TENM3: variants seen among roughly 807,000 people sequenced by gnomAD.
TENM3 encodes teneurin-3.
Under a neutral mutation model 255.1 loss-of-function variants are expected in TENM3, and 63 were observed. That is an observed-to-expected ratio of 0.25 (90% confidence interval 0.20 to 0.30). The LOEUF is 0.30. TENM3 is among the 10% of genes least tolerant of loss of function. The pLI is 1.00. For missense variants in TENM3, 2,929 were observed against 3,461.1 expected (o/e 0.85, Z 3.86); for synonymous variants, 1,306 against 1,322.3 (o/e 0.99, Z 0.27).
chr4:182,595,946 G>A (rs987049094), intron 3 of TENM3, among the ~76,000 whole-genome samples: 3 of 150,810 alleles, frequency 2.0e-5, no homozygotes, highest in Non-Finnish European at 4.4e-5. Context: ...TATCTTTAAA[G>A]GTAGATTTTA....
At chr4:181,596,281 T>C in the TENM3 span, among the ~76,000 whole-genome samples, 1 of 152,240 alleles carries the variant, frequency 6.6e-6, no homozygotes, top group Non-Finnish European at 1.5e-5. Context: ...CCAAATCTGA[T>C]CTAGAAGTAG....
chr4:181,763,926 A>G, the TENM3 span, among the ~76,000 whole-genome samples: 6 of 152,330 alleles, frequency 3.9e-5, no homozygotes, highest in Admixed American at 3.9e-4. Context: ...CAGAACTGTT[A>G]TAGATCATTT....
At chr4:181,523,057 T>G in the TENM3 span, 218 of 583,454 alleles carry the variant, frequency 3.7e-4, 5 homozygotes, top group South Asian at 3.0e-3. Context: ...GGACTCAGAT[T>G]ACAAATGTAT....
At chr4:182,141,499 CAGAG>C (rs149946309), upstream of TENM3, 1 of 151,990 alleles carries the variant, frequency 6.6e-6, no homozygotes, top group African/African-American at 2.4e-5. Flanking sequence ...GTGTGAGAGA[CAGAG>C]AGAGACCCAA....
chr4:182,212,024 C>T (rs1167485800), intron 1 of TENM3, among the ~76,000 whole-genome samples: 1 of 152,034 alleles, frequency 6.6e-6, no homozygotes, highest in African/African-American at 2.4e-5. Context: ...ATCTATTAAA[C>T]CAAGTAAAAT....
chr4:182,383,080 A>G lies in TENM3; in HGVS notation c.511+36151A>G, dbSNP rs565249743. Among the ~76,000 whole-genome samples, 3 of 152,354 alleles carry G rather than the reference A, an allele frequency of 2.0e-5. No individual in the cohort carries two copies. In the South Asian group the frequency reaches 6.2e-4, roughly 32 times the overall value. On this transcript the variant is annotated intron_variant, in intron 3 of 27. Coordinates refer to ENST00000511685, the MANE Select transcript of TENM3 (RefSeq NM_001080477.4). ...GCAATAGGGGAGAGACATCAGGCTC[A>G]ACCTCAATTATGGAACGAGTGGGGA... is the stretch of plus-strand genomic sequence containing the variant.
chr4:182,106,999 C>T, the TENM3 span, among the ~76,000 whole-genome samples: 1 of 152,240 alleles, frequency 6.6e-6, no homozygotes, highest in South Asian at 2.1e-4. Context: ...CTGCTTACCT[C>T]CCGTCAAATG....
chr4:181,614,888 AG>A, the TENM3 span, among the ~76,000 whole-genome samples: 19 of 152,292 alleles, frequency 1.2e-4, no homozygotes, highest in African/African-American at 4.6e-4. Context: ...AAGTATAGGG[AG>A]AAGACTGGTT....
intron 19 of TENM3, among the ~76,000 whole-genome samples, chr4:182,746,276 T>C (rs1323386658): frequency 2.0e-5 from 3 of 152,132 alleles, no homozygotes; most frequent in Admixed American, 1.3e-4. Context: ...TACTGGGAGA[T>C]GGCACTACGG....
At chr4:182,014,004 ACG>A in the TENM3 span, among the ~76,000 whole-genome samples, 270 of 76,004 alleles carry the variant, frequency 3.6e-3, 6 homozygotes, top group Middle Eastern at 0.014. Context: ...ACACATATAT[ACG>A]TATATATACG....
In TENM3 at chr4:182,459,129, T is replaced by C. The variant is rs572313393; in HGVS notation, c.511+112200T>C. On this transcript the variant is annotated intron_variant, in intron 3 of 27. Transcript: ENST00000511685. Reference sequence around the variant, plus strand: ...TAACTAGTTTGATTGCTTGCCTTCCTTCACAGGCTTGACTAACCAGCATTT... The same window carrying C: ...TAACTAGTTTGATTGCTTGCCTTCCCTCACAGGCTTGACTAACCAGCATTT... 5.3e-5 allele frequency among the ~76,000 whole-genome samples: 8 copies of C among 152,344 alleles called. 1 individual carries two copies. In the South Asian group the frequency reaches 1.7e-3, roughly 32 times the overall value.
chr4:181,685,204 C>T, the TENM3 span, among the ~76,000 whole-genome samples: 1,355 of 152,200 alleles, frequency 8.9e-3, 19 homozygotes, highest in African/African-American at 0.031. Flanking sequence ...TCCTTCACCT[C>T]TGGTGGAGAT....
the TENM3 span, among the ~76,000 whole-genome samples, chr4:182,069,787 A>G: frequency 1.3e-5 from 2 of 152,052 alleles, no homozygotes; most frequent in Admixed American, 6.5e-5. Context: ...AGAAATCTTG[A>G]CAGGGCTTCT....
Position 182,364,855 on chromosome 4 carries a change from A to G in TENM3, c.511+17926A>G, listed in dbSNP as rs1027060435. On this transcript the variant is annotated intron_variant, in intron 3 of 27. Coordinates refer to ENST00000511685, the MANE Select transcript of TENM3 (RefSeq NM_001080477.4). ...CATCCAGGTTTGAACTTTCGCTACTATAAGTGATTCTGCAATAATGATCTC... is the reference window on the plus strand; with the variant it reads ...CATCCAGGTTTGAACTTTCGCTACTGTAAGTGATTCTGCAATAATGATCTC... Among the ~76,000 whole-genome samples, 4 of 152,226 alleles carry G rather than the reference A, an allele frequency of 2.6e-5. No individual in the cohort carries two copies. In the East Asian group the frequency reaches 5.8e-4, roughly 22 times the overall value.
At chr4:182,300,060 T>A (rs1761759798) in intron 1 of TENM3, among the ~76,000 whole-genome samples, 1 of 151,842 alleles carries the variant, frequency 6.6e-6, no homozygotes, top group African/African-American at 2.4e-5. Context: ...GGATTACAGG[T>A]GTTCACAGCC....
the TENM3 span, among the ~76,000 whole-genome samples, chr4:181,718,712 C>A: frequency 6.6e-6 from 1 of 151,890 alleles, no homozygotes; most frequent in Non-Finnish European, 1.5e-5. Context: ...CATTTTTTTT[C>A]TTTGTTTCAC....
the TENM3 span, among the ~76,000 whole-genome samples, chr4:181,687,877 C>T: frequency 6.6e-6 from 1 of 152,282 alleles, no homozygotes; most frequent in South Asian, 2.1e-4. Flanking sequence ...TAAAGTAACA[C>T]ATTTGTGGCA....
intron 1 of TENM3, among the ~76,000 whole-genome samples, chr4:182,284,103 TGA>T (rs1760574492): frequency 6.6e-6 from 1 of 152,204 alleles, no homozygotes; most frequent in African/African-American, 2.4e-5. Flanking sequence ...TTATAAGACA[TGA>T]GAGAGTTTAA....
At chr4:181,487,837 T>C in the TENM3 span, among the ~76,000 whole-genome samples, 73 of 152,138 alleles carry the variant, frequency 4.8e-4, no homozygotes, top group Middle Eastern at 3.4e-3. Flanking sequence ...GAAAAAGAAG[T>C]ATGGCGTCCA....
Sources: gnomAD v4.1 joint callset for allele counts (sites outside exome capture counted in the v4.1 genomes callset) on GRCh38, gnomAD v4.1.1 for gene constraint, MANE v1.5 for transcripts, NCBI Gene and HGNC (gene_info 2026-07-23, HGNC 2026-07-21) for gene names.